PLCE1: variants seen among roughly 807,000 people sequenced by gnomAD.
The protein encoded by PLCE1 is phospholipase C epsilon 1.
A neutral mutation model predicts 242.8 loss-of-function variants in PLCE1; 119 were observed. That is an observed-to-expected ratio of 0.49 (90% CI 0.42 to 0.57). The LOEUF is 0.57. PLCE1 is among the 20% of genes least tolerant of loss of function. The pLI is 0.00. For synonymous variants in PLCE1, 945 were observed against 1,017.4 expected, an observed-to-expected ratio of 0.93 and a Z score of 1.35; for missense variants, 2,441 against 2,788.8, an observed-to-expected ratio of 0.88 and a Z score of 2.81.
chr10:94,034,682 C>G (rs552758386), intron 2 of PLCE1, among the ~76,000 whole-genome samples: 1 of 152,286 alleles, frequency 6.6e-6, no homozygotes, highest in African/African-American at 2.4e-5. Context: ...TGTAAACCTG[C>G]TTACACGTCA....
chr10:94,249,978 T>A (rs895274565), intron 8 of PLCE1, among the ~76,000 whole-genome samples: 15 of 152,036 alleles, frequency 9.9e-5, no homozygotes, highest in African/African-American at 3.6e-4. Context: ...TGTAGATTAG[T>A]TTAATGGTCT....
At chr10:94,211,907 C>G (rs942969421) in intron 4 of PLCE1, among the ~76,000 whole-genome samples, 7 of 152,076 alleles carry the variant, frequency 4.6e-5, no homozygotes, top group Admixed American at 2.6e-4. Context: ...TAAAAGAGCT[C>G]AGAGAGACCC....
intron 2 of PLCE1, among the ~76,000 whole-genome samples, chr10:94,128,144 C>A (rs190992165): frequency 6.6e-6 from 1 of 152,198 alleles, no homozygotes; most frequent in East Asian, 1.9e-4. Flanking sequence ...TGTGCCACCA[C>A]ACCCAACTCA....
intron 2 of PLCE1, among the ~76,000 whole-genome samples, chr10:94,122,584 G>T (rs948737157): frequency 6.6e-6 from 1 of 152,154 alleles, no homozygotes; most frequent in Non-Finnish European, 1.5e-5. Context: ...GTTGAGTTTT[G>T]CCCTGTACTG....
At chr10:94,239,053 T>C (rs374133408) in intron 7 of PLCE1, among the ~76,000 whole-genome samples, 1 of 152,292 alleles carries the variant, frequency 6.6e-6, no homozygotes, top group East Asian at 1.9e-4. Context: ...GAAATGACAA[T>C]ACTACTTGAT....
intron 2 of PLCE1, among the ~76,000 whole-genome samples, chr10:94,083,475 A>G (rs1564671587): frequency 6.6e-6 from 1 of 152,216 alleles, no homozygotes; most frequent in Non-Finnish European, 1.5e-5. Flanking sequence ...AGAAGAGGAA[A>G]CTGAGGGCTA....
At chr10:94,318,199 T>G (rs1290594014) in intron 29 of PLCE1, among the ~76,000 whole-genome samples, 1 of 152,190 alleles carries the variant, frequency 6.6e-6, no homozygotes. Context: ...CTCTCCCTAT[T>G]AAGACACACT....
At chr10:94,241,895 A>G (rs2050518309) in intron 7 of PLCE1, among the ~76,000 whole-genome samples, 1 of 152,178 alleles carries the variant, frequency 6.6e-6, no homozygotes, top group Non-Finnish European at 1.5e-5. Context: ...TGGTCTTCCT[A>G]TATTTAATGA....
chr10:94,058,083 A>G (rs2043954837), intron 2 of PLCE1, among the ~76,000 whole-genome samples: 1 of 152,198 alleles, frequency 6.6e-6, no homozygotes, highest in African/African-American at 2.4e-5. Flanking sequence ...TCTTTTTACA[A>G]TAGAAACCCA....
intron 3 of PLCE1, among the ~76,000 whole-genome samples, chr10:94,146,716 TG>T (rs1204623440): frequency 6.6e-6 from 1 of 152,224 alleles, no homozygotes; most frequent in African/African-American, 2.4e-5. Flanking sequence ...AGTGGGTTAA[TG>T]TCTTCTTTCG....
rs751230289 is a variant in PLCE1 at position 94,328,008 on chromosome 10, G to A, written c.*65G>A. The A allele has an allele frequency of 5.6e-6, 3 of 531,170 alleles. No individual in the cohort carries two copies. Among genetic ancestry groups the A allele is most frequent in the Admixed American group, 3.9e-5 (2 of 51,320 alleles). 32.9% of individuals were successfully genotyped at this position (531,170 alleles called of 1,614,324 possible). A position where few individuals can be genotyped will look rare whatever the true frequency, so the allele number is the denominator to read the frequency against. ...CAAGAAGTTAAAGAGTGAACATGGTGGAAAAAATATAATTATTTTCATCAG... is the reference window on the plus strand; with the variant it reads ...CAAGAAGTTAAAGAGTGAACATGGTAGAAAAAATATAATTATTTTCATCAG... On this transcript the variant is annotated 3_prime_UTR_variant, in exon 33 of 33. Transcript: ENST00000371380.
chr10:94,140,127 G>A (rs1273745983), intron 3 of PLCE1, among the ~76,000 whole-genome samples: 1 of 151,892 alleles, frequency 6.6e-6, no homozygotes, highest in Non-Finnish European at 1.5e-5. Context: ...CTGAGTGTGT[G>A]GTATGTGTGT....
intron 1 of PLCE1, among the ~76,000 whole-genome samples, chr10:94,026,260 A>C (rs2061451038): frequency 6.6e-6 from 1 of 152,084 alleles, no homozygotes; most frequent in Non-Finnish European, 1.5e-5. Context: ...TTGCATCTCC[A>C]TAGATCGACT....
intron 3 of PLCE1, among the ~76,000 whole-genome samples, chr10:94,133,787 A>G (rs971807768): frequency 1.3e-5 from 2 of 152,154 alleles, no homozygotes; most frequent in African/African-American, 4.8e-5. Context: ...CATTCAACAC[A>G]TTTTTTGAGC....
At chr10:93,995,821 A>G (rs1404298274) in intron 1 of PLCE1, among the ~76,000 whole-genome samples, 1 of 152,192 alleles carries the variant, frequency 6.6e-6, no homozygotes. Flanking sequence ...TCCAAGTTTG[A>G]CCTGTCATTA....
intron 2 of PLCE1, among the ~76,000 whole-genome samples, chr10:94,035,292 C>T (rs922773318): frequency 3.3e-5 from 5 of 152,132 alleles, no homozygotes; most frequent in African/African-American, 1.2e-4. Context: ...GGTTGTGAAT[C>T]GGGTGTAAAT....
chr10:94,279,779 C>T lies in PLCE1; in HGVS notation c.4666-3C>T, dbSNP rs781396251. 6 of 1,613,514 alleles carry T rather than the reference C, an allele frequency of 3.7e-6. No individual in the cohort carries two copies. The highest frequency in any genetic ancestry group is 5.1e-6 in the Non-Finnish European group (6 of 1,179,680). On this transcript the variant is annotated splice_polypyrimidine_tract_variant and splice_region_variant and intron_variant, in intron 19 of 32. Transcript: ENST00000371380. ...GCAGTTTACAATTATTGCTATTTTA[C>T]AGGCTCATCAGTTAGCATCTATGCA...
chr10:94,046,579 G>C (rs1363066566), intron 2 of PLCE1, among the ~76,000 whole-genome samples: 5 of 152,202 alleles, frequency 3.3e-5, no homozygotes, highest in Non-Finnish European at 7.3e-5. Context: ...CTGGAGCCCA[G>C]GTTGCTCTCA....
In PLCE1 at chr10:93,996,060, C is replaced by G. The variant is rs1489697172; in HGVS notation, c.-365+1802C>G. 2.6e-5 allele frequency among the ~76,000 whole-genome samples: 4 copies of G among 152,182 alleles called. No individual in the cohort carries two copies. The South Asian group carries it at 6.2e-4, about 24-fold the overall frequency. ...GTTTTCTAAAGTAGACAGCAGGGGA[C>G]GTTTCCCATGCCTGGGCAAGAGGAG... On this transcript the variant is annotated intron_variant, in intron 1 of 32. Coordinates refer to ENST00000371380, the MANE Select transcript of PLCE1 (RefSeq NM_016341.4).
Sources: allele counts gnomAD v4.1 joint callset (sites outside exome capture counted in the v4.1 genomes callset), GRCh38; gene constraint gnomAD v4.1.1; transcripts MANE v1.5; gene names NCBI Gene and HGNC (gene_info 2026-07-23, HGNC 2026-07-21).